GOLGA4: variants seen among roughly 807,000 people sequenced by gnomAD.
GOLGA4 encodes the protein golgin A4.
GOLGA4 carries 169 observed loss-of-function variants against 265.9 expected under a neutral mutation model. The ratio of observed to expected loss-of-function variants is 0.64; its 90% confidence interval spans 0.56 to 0.72. GOLGA4 has a LOEUF of 0.72. GOLGA4 is among the 30% of genes least tolerant of loss of function. The probability of loss-of-function intolerance (pLI) is 0.00; values close to 1 mark genes in which losing one functional copy is unlikely to be tolerated. For synonymous variants in GOLGA4, 923 were observed against 855.8 expected (o/e 1.08, Z -1.37); for missense variants, 2,482 against 2,483.4 (o/e 1.00, Z 0.01).
chr3:37,322,846 C>T (rs2096958852), intron 13 of GOLGA4, among the ~76,000 whole-genome samples: 1 of 151,728 alleles, frequency 6.6e-6, no homozygotes, highest in Admixed American at 6.6e-5. Context: ...AAAGAACCTT[C>T]CAAATGATAA....
In GOLGA4 at chr3:37,326,021, T is replaced by A. The variant is rs780414768; in HGVS notation, c.4135T>A (p.Leu1379Met). 2.5e-6 allele frequency: 4 copies of A among 1,613,556 alleles called. No individual in the cohort carries two copies. The highest frequency in any genetic ancestry group is 8.5e-7 in the Non-Finnish European group (1 of 1,179,646). The change falls in exon 14 of 24, where the codon TTG (leucine) becomes ATG (methionine). Residue 1379 changes from leucine to methionine, a missense_variant. Leu to Met is a conservative substitution (Grantham distance 15, BLOSUM62 2). Around this residue, in one of 3 missense-constraint regions of GOLGA4, gnomAD observed 942 missense variants for 983.1 expected, o/e 0.96. Transcript: ENST00000361924. ...CAGTCTTAGTAAACAACTAACTGAT[T>A]TGAATGTTCAGCTTCAAAATAGCAT... ...ISSLSKQLTD[L>M]NVQLQNSISL...
intron 2 of GOLGA4, chr3:37,267,022 C>A (rs2096785572): frequency 2.0e-6 from 1 of 497,478 alleles, no homozygotes; most frequent in Non-Finnish European, 3.5e-6. Flanking sequence ...TCTCATGTTA[C>A]TTGCCACTTA....
intron 2 of GOLGA4, chr3:37,276,165 A>G: frequency 1.9e-6 from 3 of 1,599,924 alleles, no homozygotes; most frequent in Admixed American, 1.7e-5. Context: ...GGGGATGACT[A>G]CATTGCAATT....
intron 22 of GOLGA4, among the ~76,000 whole-genome samples, chr3:37,355,478 G>A (rs1471958373): frequency 6.6e-6 from 1 of 152,040 alleles, no homozygotes; most frequent in East Asian, 1.9e-4. Context: ...GGAAAGGATG[G>A]AAAAGACATT....
At chr3:37,352,748 T>C (rs946639444) in intron 21 of GOLGA4, among the ~76,000 whole-genome samples, 1 of 152,074 alleles carries the variant, frequency 6.6e-6, no homozygotes, top group African/African-American at 2.4e-5. Flanking sequence ...TTCTCCAAAC[T>C]TCTATCCAGA....
chr3:37,314,917 C>T (rs966837428), intron 10 of GOLGA4, among the ~76,000 whole-genome samples: 1 of 152,136 alleles, frequency 6.6e-6, no homozygotes, highest in Non-Finnish European at 1.5e-5. Flanking sequence ...AAAATCTCTG[C>T]TCTTTTATTA....
At chr3:37,289,136 G>A (rs1266374879) in intron 4 of GOLGA4, 99 bp from the exon 5 acceptor site, 2 of 676,640 alleles carry the variant, frequency 3.0e-6, no homozygotes. Context: ...TGGATAAACG[G>A]TTGTAATATT....
chr3:37,262,648 A>T (rs376917752), intron 2 of GOLGA4, among the ~76,000 whole-genome samples: 1 of 152,176 alleles, frequency 6.6e-6, no homozygotes, highest in African/African-American at 2.4e-5. Context: ...CATGCCTGTA[A>T]TCCCAGCAGT....
At chr3:37,261,116 A>G (rs1368878272) in intron 2 of GOLGA4, among the ~76,000 whole-genome samples, 1 of 152,016 alleles carries the variant, frequency 6.6e-6, no homozygotes, top group African/African-American at 2.4e-5. Context: ...GGTTGCAGTG[A>G]GCCATGACTG....
In GOLGA4 at chr3:37,325,288, T is replaced by C; in HGVS notation, c.3402T>C (p.Ala1134=). The change falls in exon 14 of 24, where the codon GCT becomes GCC. Residue 1134 remains alanine, a synonymous_variant. Coordinates refer to ENST00000361924, the MANE Select transcript of GOLGA4 (RefSeq NM_002078.5). The stretch of plus-strand genomic sequence containing the variant: ...CACAAGATGAAACTAAACTGAAAGC[T>C]CATCTTGAAAAGCTAGAGGTTGACT... The part of the protein sequence containing the change: ...SLAQDETKLK[A]HLEKLEVDLN... 2 of 1,613,566 alleles carry C rather than the reference T, an allele frequency of 1.2e-6. No individual in the cohort carries two copies. Among genetic ancestry groups the C allele is most frequent in the East Asian group, 2.2e-5 (1 of 44,860 alleles).
chr3:37,259,176 C>G (rs1467625032), intron 2 of GOLGA4, among the ~76,000 whole-genome samples: 1 of 152,140 alleles, frequency 6.6e-6, no homozygotes, highest in African/African-American at 2.4e-5. Flanking sequence ...TCAGATTTTG[C>G]TTCTTCCTGA....
In GOLGA4 at chr3:37,326,454, A is replaced by C. The variant is rs1309138327; in HGVS notation, c.4568A>C (p.Gln1523Pro). The C allele has an allele frequency of 1.2e-6, 2 of 1,611,174 alleles. No homozygotes were observed. The highest frequency in any genetic ancestry group is 8.5e-7 in the Non-Finnish European group (1 of 1,178,476). The change falls in exon 14 of 24, where the codon CAA (glutamine) becomes CCA (proline). Residue 1523 changes from glutamine to proline, a missense_variant. By Grantham distance (76) the Gln-to-Pro change is moderately conservative (BLOSUM62 -1). This residue lies in a region of GOLGA4 where 942 missense variants were observed against 983.1 expected (regional missense o/e 0.96). Coordinates refer to ENST00000361924, the MANE Select transcript of GOLGA4 (RefSeq NM_002078.5). ...ESNLETELKS[Q>P]TARIMELEDH... ...AATTTAGAAACAGAGTTAAAGTCTC[A>C]AACAGCAAGAATTATGGAATTAGAG...
intron 10 of GOLGA4, among the ~76,000 whole-genome samples, chr3:37,309,291 C>T (rs1030338205): frequency 6.6e-6 from 1 of 151,080 alleles, no homozygotes; most frequent in Non-Finnish European, 1.5e-5. Flanking sequence ...CGTGATGGCT[C>T]ATGCCTGTAA....
chr3:37,296,000 A>G, intron 6 of GOLGA4, 87 bp from the exon 7 acceptor site: 3 of 1,219,154 alleles, frequency 2.5e-6, no homozygotes, highest in Non-Finnish European at 3.6e-6. Context: ...GGAATCCTGG[A>G]ACCAATCCCC....
At chr3:37,310,254 CA>C (rs1167652099) in intron 10 of GOLGA4, among the ~76,000 whole-genome samples, 1 of 152,110 alleles carries the variant, frequency 6.6e-6, no homozygotes, top group African/African-American at 2.4e-5. Flanking sequence ...AGTAATGCTG[CA>C]TGAAACCTCA....
At chr3:37,353,790 C>T (rs1016089348) in intron 21 of GOLGA4, among the ~76,000 whole-genome samples, 1 of 152,000 alleles carries the variant, frequency 6.6e-6, no homozygotes, top group African/African-American at 2.4e-5. Context: ...GGGGGTCTCA[C>T]TATGTTTCCC....
At chr3:37,248,703 A>G (rs1249092313) in intron 1 of GOLGA4, among the ~76,000 whole-genome samples, 1 of 152,024 alleles carries the variant, frequency 6.6e-6, no homozygotes, top group Non-Finnish European at 1.5e-5. Context: ...AGAATCTGTT[A>G]AACTTTGTAA....
In GOLGA4 at chr3:37,324,473, G is replaced by A. The variant is rs769526006; in HGVS notation, c.2587G>A (p.Val863Met). Residue 863 changes from valine to methionine, a missense_variant, in exon 14 of 24, where the codon GTG becomes ATG. Val to Met is a conservative substitution (Grantham distance 21). Transcript: ENST00000361924. ...CTELDAHKIQ[V>M]QDLMQQLEKQ... ...TGAGTTAGATGCTCACAAAATCCAG[G>A]TGCAGGACTTAATGCAGCAACTTGA... 8.7e-6 allele frequency: 14 copies of A among 1,614,110 alleles called. No homozygotes were observed. Among genetic ancestry groups the A allele is most frequent in the East Asian group, 2.2e-5 (1 of 44,884 alleles).
At chr3:37,340,065 T>G (rs955367890) in intron 19 of GOLGA4, 59 bp from the exon 20 acceptor site, 115 of 738,000 alleles carry the variant, frequency 1.6e-4, no homozygotes, top group Non-Finnish European at 2.1e-4. Flanking sequence ...CAATCTTTCT[T>G]TTTCTTACAT....
Sources: gnomAD v4.1 joint callset for allele counts (sites outside exome capture counted in the v4.1 genomes callset) on GRCh38, gnomAD v4.1.1 for gene constraint, gnomAD v4.1.1 regional missense constraint, MANE v1.5 for transcripts, NCBI Gene and HGNC (gene_info 2026-07-23, HGNC 2026-07-21) for gene names.